LMTK3: variants seen among roughly 807,000 people sequenced by gnomAD.
The protein encoded by LMTK3 is lemur tail kinase 3, also known as serine/threonine-protein kinase LMTK3.
LMTK3 carries 27 observed loss-of-function variants against 116.7 expected under a neutral mutation model. The observed-to-expected ratio is 0.23, with a 90% CI of 0.17 to 0.32. The LOEUF is 0.32. Ranked by LOEUF, LMTK3 falls within the 10% of genes least tolerant of loss-of-function variation. The pLI, the probability that LMTK3 is intolerant of heterozygous loss-of-function variation, is 1.00. For synonymous variants in LMTK3, 965 were observed against 971.0 expected (o/e 0.99, Z 0.11); for missense variants, 1,764 against 2,068.5 (o/e 0.85, Z 2.86).
Position 48,497,202 on chromosome 19 carries a change from A to G in LMTK3, c.3676+191T>C, listed in dbSNP as rs916195692. ...AGATGGGTAAACTGAGGCACCGTGC[A>G]GCAAGGACATTTGCCCAAGGCCAAA... On this transcript the variant is annotated intron_variant, in intron 11 of 14. Coordinates refer to ENST00000600059, the MANE Select transcript of LMTK3 (RefSeq NM_001388485.1). The surrounding 1 kb of genome is among the most constrained non-coding windows in gnomAD (Gnocchi z 5.7). Among the ~76,000 whole-genome samples the G allele has an allele frequency of 6.6e-6, 1 of 152,238 alleles. No individual in the cohort carries two copies. Among genetic ancestry groups the G allele is most frequent in the African/African-American group, 2.4e-5 (1 of 41,468 alleles).
chr19:48,491,563 G>C lies in LMTK3; in HGVS notation c.4093-24C>G. On this transcript the variant is annotated intron_variant, in intron 12 of 14. Coordinates refer to ENST00000600059, the MANE Select transcript of LMTK3 (RefSeq NM_001388485.1). This position sits in a 1 kb window ranked among gnomAD's most constrained non-coding sequence, Gnocchi z 5.1. ...TCCTGTGAAGGCAGATTAGGGGGAA[G>C]CCAGAGGGGACAAACCTTCACGTCC... 8.2e-6 allele frequency: 11 copies of C among 1,341,502 alleles called. No homozygotes were observed. The highest frequency in any genetic ancestry group is 1.1e-5 in the Non-Finnish European group (11 of 1,038,218). The allele number at this position is 1,341,502 out of a possible 1,614,324, so 83.1% of individuals were successfully genotyped here.
chr19:48,510,611 G>C lies in LMTK3; in HGVS notation c.77-19C>G. ...AATCCATCTGTGGGCACAGGGCTGG[G>C]CTGGGGTCCCAGCTTCAAGTCCCTG... On this transcript the variant is annotated intron_variant, in intron 1 of 14. Transcript: ENST00000600059. 6.5e-7 allele frequency: 1 copy of C among 1,530,956 alleles called. No homozygotes were observed. The highest frequency in any genetic ancestry group is 8.7e-7 in the Non-Finnish European group (1 of 1,143,734). The allele number at this position is 1,530,956 out of a possible 1,614,324, so 94.8% of individuals were successfully genotyped here.
Position 48,493,811 on chromosome 19 carries a change from C to A in LMTK3, c.3975G>T (p.Pro1325=). 6.7e-7 allele frequency: 1 copy of A among 1,496,764 alleles called. No individual in the cohort carries two copies. The highest frequency in any genetic ancestry group is 8.9e-7 in the Non-Finnish European group (1 of 1,124,652). 92.7% of individuals were successfully genotyped at this position (1,496,764 alleles called of 1,614,324 possible). A position where few individuals can be genotyped will look rare whatever the true frequency, so the allele number is the denominator to read the frequency against. Residue 1325 remains proline (P), a synonymous_variant, in exon 12 of 15, where the codon CCG becomes CCT. Transcript: ENST00000600059. ...VSSADADAAR[P]LRGLLKSPRG... ...GCGGAGACTTGAGCAGCCCCCGCAG[C>A]GGGCGGGCCGCGTCCGCGTCGGCGC...
At chr19:48,502,621 C>T in intron 6 of LMTK3, 40 bp from the exon 7 acceptor site, 1 of 1,513,686 alleles carries the variant, frequency 6.6e-7, no homozygotes, top group Non-Finnish European at 8.8e-7. Flanking sequence ...ACCAGCCGCT[C>T]AGGTCTCCAG....
At chr19:48,510,819 A>G (rs1972645989) in intron 1 of LMTK3, among the ~76,000 whole-genome samples, 1 of 149,720 alleles carries the variant, frequency 6.7e-6, no homozygotes, top group Admixed American at 6.7e-5. Context: ...CCAAACTGGG[A>G]CCCCCGCCAC....
intron 5 of LMTK3, among the ~76,000 whole-genome samples, chr19:48,503,829 T>TCCTC (rs1972516870): frequency 6.6e-6 from 1 of 150,958 alleles, no homozygotes; most frequent in Non-Finnish European, 1.5e-5. Flanking sequence ...CTTCCTTGCT[T>TCCTC]CCTCCCTCCC....
In LMTK3 at chr19:48,499,076, C is replaced by G; in HGVS notation, c.1993G>C (p.Gly665Arg). Residue 665 changes from glycine to arginine, a missense_variant, in exon 11 of 15, where the codon GGT (glycine) becomes CGT (arginine). By Grantham distance (125) the Gly-to-Arg change is moderately radical. Coordinates refer to ENST00000600059, the MANE Select transcript of LMTK3 (RefSeq NM_001388485.1). Reference protein sequence around the residue: ...SSLGGGPSRRGPLPCPLCSRE... With the variant: ...SSLGGGPSRRRPLPCPLCSRE... Reference sequence around the variant, plus strand: ...CTGCACAGGGGACAGGGTAGGGGACCCCGGCGGCTTGGGCCACCTCCAAGG... The same window carrying G: ...CTGCACAGGGGACAGGGTAGGGGACGCCGGCGGCTTGGGCCACCTCCAAGG... 1.3e-6 allele frequency: 2 copies of G among 1,545,378 alleles called. No individual in the cohort carries two copies. Among genetic ancestry groups the G allele is most frequent in the Non-Finnish European group, 1.7e-6 (2 of 1,150,632 alleles).
At chr19:48,489,664 A>G (rs1972187894) in intron 14 of LMTK3, among the ~76,000 whole-genome samples, 1 of 152,250 alleles carries the variant, frequency 6.6e-6, no homozygotes, top group South Asian at 2.1e-4. Context: ...GGATTAAGCC[A>G]TTTAATTCCC....
chr19:48,497,712 C>A lies in LMTK3; in HGVS notation c.3357G>T (p.Thr1119=), dbSNP rs1422080061. The A allele has an allele frequency of 1.5e-6, 2 of 1,331,072 alleles. No individual in the cohort carries two copies. The highest frequency in any genetic ancestry group is 1.5e-5 in the African/African-American group (1 of 64,904). 82.5% of individuals were successfully genotyped at this position (1,331,072 alleles called of 1,614,324 possible). ...CGGGGCCGCCGCCGGGGGCCGTCCC[C>A]GTGCCCACTGGGGCTCGGCCCCCAC... ...LGSGGRAPVG[T]GTAPGGGPGS... Residue 1119 remains threonine (T), a synonymous_variant, in exon 11 of 15, where the codon ACG becomes ACT. Coordinates refer to ENST00000600059, the MANE Select transcript of LMTK3 (RefSeq NM_001388485.1). The surrounding 1 kb of genome is among the most constrained non-coding windows in gnomAD (Gnocchi z 5.7).
At chr19:48,495,868 TAA>T (rs1209618170) in intron 11 of LMTK3, among the ~76,000 whole-genome samples, 3 of 152,266 alleles carry the variant, frequency 2.0e-5, no homozygotes, top group Admixed American at 6.5e-5. Context: ...TCATTTATCT[TAA>T]AGAGTTTTCT....
In LMTK3 at chr19:48,491,529, G is replaced by A. The variant is rs1264829016; in HGVS notation, c.4103C>T (p.Thr1368Ile). ...TVYLFDQETP[T>I]NELSVQAPPE... ...GGGGGCCTGGACGCTCAGCTCGTTG[G>A]TTGGCGTCTCCTGTGAAGGCAGATT... The change falls in exon 13 of 15, where the codon ACC becomes ATC. Residue 1368 changes from threonine to isoleucine, a missense_variant. This residue lies in a region of LMTK3 where 281 missense variants were observed against 301.4 expected (regional missense o/e 0.93). Coordinates refer to ENST00000600059, the MANE Select transcript of LMTK3 (RefSeq NM_001388485.1). This position sits in a 1 kb window ranked among gnomAD's most constrained non-coding sequence, Gnocchi z 5.1. 3 of 1,397,586 alleles carry A rather than the reference G, an allele frequency of 2.1e-6. No homozygotes were observed. The highest frequency in any genetic ancestry group is 3.1e-5 in the Admixed American group (1 of 32,628). The allele number at this position is 1,397,586 out of a possible 1,614,324, so 86.6% of individuals were successfully genotyped here.
intron 7 of LMTK3, among the ~76,000 whole-genome samples, chr19:48,501,823 T>G (rs926598429): frequency 6.6e-6 from 1 of 151,448 alleles, no homozygotes; most frequent in Non-Finnish European, 1.5e-5. Flanking sequence ...CCCTTCTGGC[T>G]TCTCCTGCTT....
At position 48,500,405 on chromosome 19, in the gene LMTK3, C is replaced by T. The variant is rs562800577; in HGVS notation, c.1152-488G>A. ...TGCCATCGCACTCCAGCCTGGGCAA[C>T]AAAAGCAAAAATCTGCCAAAAAAAA... On this transcript the variant is annotated intron_variant, in intron 10 of 14. Coordinates refer to ENST00000600059, the MANE Select transcript of LMTK3 (RefSeq NM_001388485.1). This position sits in a 1 kb window ranked among gnomAD's most constrained non-coding sequence, Gnocchi z 4.0. 6.8e-6 allele frequency among the ~76,000 whole-genome samples: 1 copy of T among 146,728 alleles called. No homozygotes were observed. Among genetic ancestry groups the T allele is most frequent in the Non-Finnish European group, 1.5e-5 (1 of 67,014 alleles).
In LMTK3 at chr19:48,491,243, C is replaced by T. The variant is rs756170775; in HGVS notation, c.4231G>A (p.Gly1411Ser). Residue 1411 changes from glycine to serine, a missense_variant and splice_region_variant, in exon 14 of 15, where the codon GGC becomes AGC. By Grantham distance (56) the Gly-to-Ser change is moderately conservative. This residue lies in a region of LMTK3 where 281 missense variants were observed against 301.4 expected (regional missense o/e 0.93). Transcript: ENST00000600059. The surrounding 1 kb of genome is among the most constrained non-coding windows in gnomAD (Gnocchi z 5.1). ...AAATCCTCCGCCCACTCGAAACTGC[C>T]TCCTGCGGCAGAAGGAAAGACCGCG... ...GFPSNDSGFG[G>S]SFEWAEDFPL... The T allele has an allele frequency of 1.4e-6, 2 of 1,402,292 alleles. No homozygotes were observed. Among genetic ancestry groups the T allele is most frequent in the Non-Finnish European group, 1.9e-6 (2 of 1,074,860 alleles). The allele number at this position is 1,402,292 out of a possible 1,614,324, so 86.9% of individuals were successfully genotyped here.
In LMTK3 at chr19:48,494,693, T is replaced by C. The variant is rs1209211537; in HGVS notation, c.3677-584A>G. Among the ~76,000 whole-genome samples the C allele has an allele frequency of 6.6e-6, 1 of 152,102 alleles. No homozygotes were observed. The highest frequency in any genetic ancestry group is 1.9e-4 in the East Asian group (1 of 5,188). On this transcript the variant is annotated intron_variant, in intron 11 of 14. Transcript: ENST00000600059. This position sits in a 1 kb window ranked among gnomAD's most constrained non-coding sequence, Gnocchi z 4.0. ...TGAACAAGGGTCACTTAGCCCTCCATTACTGCATAAGTGAACTGCCCTTTC... is the reference window on the plus strand; with the variant it reads ...TGAACAAGGGTCACTTAGCCCTCCACTACTGCATAAGTGAACTGCCCTTTC...
chr19:48,487,743 G>A (rs1436641242), intron 14 of LMTK3, among the ~76,000 whole-genome samples: 2 of 152,074 alleles, frequency 1.3e-5, no homozygotes, highest in Admixed American at 6.5e-5. Flanking sequence ...CTCGTTGGGG[G>A]CCTCATATCA....
rs890096705 is a variant in LMTK3, at chr19:48,485,677, C to T, written c.*96G>A. 48 of 1,384,428 alleles carry T rather than the reference C, an allele frequency of 3.5e-5. No individual in the cohort carries two copies. Among genetic ancestry groups the T allele is most frequent in the Middle Eastern group, 4.1e-4 (2 of 4,904 alleles). The allele number at this position is 1,384,428 out of a possible 1,614,324, so 85.8% of individuals were successfully genotyped here. A position where few individuals can be genotyped will look rare whatever the true frequency, so the allele number is the denominator to read the frequency against. On this transcript the variant is annotated 3_prime_UTR_variant, in exon 15 of 15. Transcript: ENST00000600059. The stretch of plus-strand genomic sequence containing the variant: ...CCAGCCTCGGGGGCCTCCCCAGAGG[C>T]GGCGTCTGCGGTGGTGGCAGTGGCG...
At position 48,494,133 on chromosome 19, in the gene LMTK3, G is replaced by A; in HGVS notation, c.3677-24C>T. Reference sequence around the variant, plus strand: ...GGCTGCGAGGGGAGAGACCTGGTGAGCCCCTGTCCCGGTGAAACTGAGGCA... The same window carrying A: ...GGCTGCGAGGGGAGAGACCTGGTGAACCCCTGTCCCGGTGAAACTGAGGCA... On this transcript the variant is annotated intron_variant, in intron 11 of 14. Coordinates refer to ENST00000600059, the MANE Select transcript of LMTK3 (RefSeq NM_001388485.1). The surrounding 1 kb of genome is among the most constrained non-coding windows in gnomAD (Gnocchi z 4.0). The A allele has an allele frequency of 8.5e-7, 1 of 1,176,780 alleles. No individual in the cohort carries two copies. Among genetic ancestry groups the A allele is most frequent in the African/African-American group, 1.6e-5 (1 of 62,578 alleles). 72.9% of individuals were successfully genotyped at this position (1,176,780 alleles called of 1,614,324 possible). A position where few individuals can be genotyped will look rare whatever the true frequency, so the allele number is the denominator to read the frequency against.
Position 48,508,043 on chromosome 19 carries a change from A to C in LMTK3, c.557+808T>G, listed in dbSNP as rs1051614637. ...AGCAAGGAGTGATATTCTAGAGAGG[A>C]TATAGCAAGGTCCGATGCGCTGCGG... On this transcript the variant is annotated intron_variant, in intron 5 of 14. Transcript: ENST00000600059. 5.3e-5 allele frequency among the ~76,000 whole-genome samples: 8 copies of C among 152,072 alleles called. No individual in the cohort carries two copies. In the East Asian group the frequency reaches 1.3e-3, roughly 26 times the overall value.
Sources: gnomAD v4.1 joint callset for allele counts (sites outside exome capture counted in the v4.1 genomes callset) on GRCh38, gnomAD v4.1.1 for gene constraint, gnomAD v4.1.1 regional missense constraint, Gnocchi (gnomAD v3.1) non-coding constraint, MANE v1.5 for transcripts, NCBI Gene and HGNC (gene_info 2026-07-23, HGNC 2026-07-21) for gene names.